Variants in SRRM3 observed in about 807,000 individuals in gnomAD.
SRRM3 encodes serine/arginine repetitive matrix protein 3.
A neutral mutation model predicts 66.2 loss-of-function variants in SRRM3; 27 were observed. That is an observed-to-expected ratio of 0.41 (90% CI 0.30 to 0.56). The LOEUF is 0.56. SRRM3 is among the 20% of genes least tolerant of loss of function. The probability of loss-of-function intolerance (pLI) is 0.32; values close to 1 mark genes in which losing one functional copy is unlikely to be tolerated. For missense variants in SRRM3, 918 were observed against 991.9 expected, an observed-to-expected ratio of 0.93 and a Z score of 1.00; for synonymous variants, 391 against 414.9, an observed-to-expected ratio of 0.94 and a Z score of 0.70.
chr7:76,248,464 T>C (rs1384143547), intron 3 of SRRM3, among the ~76,000 whole-genome samples, 175 bp downstream of exon 3: 2 of 152,100 alleles, frequency 1.3e-5, no homozygotes, highest in Non-Finnish European at 2.9e-5. Context: ...CTGGAAATGC[T>C]GGCCTGGCCC....
chr7:76,270,720 A>C (rs1182517449), intron 11 of SRRM3, among the ~76,000 whole-genome samples: 3 of 152,060 alleles, frequency 2.0e-5, no homozygotes, highest in Non-Finnish European at 4.4e-5. Context: ...AAGCTGAGGC[A>C]GGAAAATCAC....
chr7:76,274,106 G>A (rs1446847800), intron 11 of SRRM3, among the ~76,000 whole-genome samples: 2 of 152,246 alleles, frequency 1.3e-5, no homozygotes, highest in South Asian at 2.1e-4. Context: ...CGGTCACCCC[G>A]CTGGCCTTCA....
intron 3 of SRRM3, among the ~76,000 whole-genome samples, chr7:76,256,594 G>A (rs1465538776): frequency 6.6e-6 from 1 of 151,882 alleles, no homozygotes; most frequent in Non-Finnish European, 1.5e-5. Flanking sequence ...TTGATGATAT[G>A]CTAAACAAGG....
At chr7:76,248,333 C>T in intron 3 of SRRM3, 44 bp downstream of exon 3, 1 of 1,497,886 alleles carries the variant, frequency 6.7e-7, no homozygotes. Flanking sequence ...GGGGTGCAGG[C>T]TCAGGCAGCA....
intron 1 of SRRM3, among the ~76,000 whole-genome samples, chr7:76,218,575 A>C (rs79170543): frequency 6.6e-6 from 1 of 151,840 alleles, no homozygotes; most frequent in Non-Finnish European, 1.5e-5. Flanking sequence ...TCTAGAATGC[A>C]GGGGAGAAGA....
intron 1 of SRRM3, among the ~76,000 whole-genome samples, chr7:76,214,611 G>A (rs782050284): frequency 1.6e-4 from 24 of 152,184 alleles, no homozygotes; most frequent in South Asian, 2.1e-4. Context: ...CACCAGGACC[G>A]CTGCTCAGGG....
At chr7:76,281,909 T>G in intron 12 of SRRM3, 107 bp downstream of exon 12, 1 of 806,866 alleles carries the variant, frequency 1.2e-6, no homozygotes, top group Non-Finnish European at 1.4e-6. Context: ...TGAGCTACCC[T>G]CCAGGGATCC....
At chr7:76,235,641 G>A (rs952150608) in intron 2 of SRRM3, among the ~76,000 whole-genome samples, 2 of 151,956 alleles carry the variant, frequency 1.3e-5, no homozygotes. Flanking sequence ...CGAGGCGAGC[G>A]GATTATTTGA....
At chr7:76,280,125 A>AAAAAAG (rs1189113294) in intron 11 of SRRM3, among the ~76,000 whole-genome samples, 3 of 151,586 alleles carry the variant, frequency 2.0e-5, no homozygotes, top group East Asian at 1.9e-4. Context: ...TTAAAAAAAA[A>AAAAAAG]AAAAAGAAAA....
intron 3 of SRRM3, among the ~76,000 whole-genome samples, chr7:76,257,219 T>C (rs1373133207): frequency 1.3e-5 from 2 of 152,006 alleles, no homozygotes; most frequent in Non-Finnish European, 2.9e-5. Context: ...CTCATGTTCT[T>C]AATGCTCTGC....
chr7:76,219,309 C>T (rs181646950), intron 1 of SRRM3, among the ~76,000 whole-genome samples: 1 of 152,206 alleles, frequency 6.6e-6, no homozygotes, highest in Non-Finnish European at 1.5e-5. Flanking sequence ...CTGTCCTGGG[C>T]TACATCAATC....
intron 2 of SRRM3, among the ~76,000 whole-genome samples, chr7:76,242,366 T>C (rs1317751118): frequency 6.6e-6 from 1 of 151,982 alleles, no homozygotes; most frequent in Non-Finnish European, 1.5e-5. Context: ...ATGCCTGTAG[T>C]CCCAGCTGCT....
chr7:76,283,212 C>T lies in SRRM3; in HGVS notation c.1733+111C>T, dbSNP rs1373478479. On this transcript the variant is annotated intron_variant, in intron 14 of 14. Coordinates refer to ENST00000611745, the MANE Select transcript of SRRM3 (RefSeq NM_001110199.3). The stretch of plus-strand genomic sequence containing the variant: ...CTCTGAGGATCCACTGAACCTGGCA[C>T]GGGGATGGGGGGGGGTGCTAAGGGA... 5.1e-6 allele frequency: 5 copies of T among 983,086 alleles called. No homozygotes were observed. In the African/African-American group the frequency reaches 1.1e-4, roughly 22 times the overall value. The allele number at this position is 983,086 out of a possible 1,614,324, so 60.9% of individuals were successfully genotyped here. A position where few individuals can be genotyped will look rare whatever the true frequency, so the allele number is the denominator to read the frequency against.
intron 1 of SRRM3, 33 bp downstream of exon 1, chr7:76,202,100 CG>C (rs1433351858): frequency 6.6e-6 from 1 of 152,368 alleles, no homozygotes; most frequent in East Asian, 1.9e-4. Context: ...GGCATATCCC[CG>C]AGGGGCTGGG....
At chr7:76,278,873 G>A (rs1348611848) in intron 11 of SRRM3, among the ~76,000 whole-genome samples, 4 of 152,304 alleles carry the variant, frequency 2.6e-5, no homozygotes, top group African/African-American at 9.6e-5. Context: ...AACACCCAGG[G>A]CCATGCCAAG....
In SRRM3 at chr7:76,282,762, C is replaced by T. The variant is rs1438339678; in HGVS notation, c.1485C>T (p.His495=). 3.4e-6 allele frequency: 5 copies of T among 1,464,918 alleles called. No homozygotes were observed. Among genetic ancestry groups the T allele is most frequent in the Admixed American group, 4.9e-5 (2 of 41,172 alleles). The allele number at this position is 1,464,918 out of a possible 1,614,324, so 90.7% of individuals were successfully genotyped here. A position where few individuals can be genotyped will look rare whatever the true frequency, so the allele number is the denominator to read the frequency against. The change falls in exon 13 of 15, where the codon CAC becomes CAT. Residue 495 remains histidine (H), a synonymous_variant. Transcript: ENST00000611745. ...GKSSSRSPGP[H]PRSWSSSRSP... Reference sequence around the variant, plus strand: ...GCTCGTCGCGCAGCCCCGGCCCGCACCCCCGCTCCTGGAGCTCCAGCCGCT... The same window carrying T: ...GCTCGTCGCGCAGCCCCGGCCCGCATCCCCGCTCCTGGAGCTCCAGCCGCT...
At chr7:76,277,746 GAA>G in intron 11 of SRRM3, among the ~76,000 whole-genome samples, 1 of 106,770 alleles carries the variant, frequency 9.4e-6, no homozygotes, top group Non-Finnish European at 1.9e-5. Context: ...GAGAGAGAGA[GAA>G]AGAAAGAAAA....
chr7:76,206,133 G>A (rs765642361), intron 1 of SRRM3, among the ~76,000 whole-genome samples: 16 of 152,174 alleles, frequency 1.1e-4, no homozygotes, highest in Non-Finnish European at 2.2e-4. Context: ...TCAGCCTCCC[G>A]AATAGCTAGG....
chr7:76,236,632 G>A (rs1232375480), intron 2 of SRRM3, among the ~76,000 whole-genome samples: 8 of 152,252 alleles, frequency 5.3e-5, no homozygotes, highest in East Asian at 3.8e-4. Context: ...AAGGCCATCC[G>A]GAAGGCGGGG....
Sources: gnomAD v4.1 joint callset for allele counts (sites outside exome capture counted in the v4.1 genomes callset) on GRCh38, gnomAD v4.1.1 for gene constraint, MANE v1.5 for transcripts, NCBI Gene and HGNC (gene_info 2026-07-23, HGNC 2026-07-21) for gene names.